The following ANO6 variants were observed in gnomAD, a reference collection of about 807,000 sequenced individuals.
ANO6 encodes anoctamin 6, also known as anoctamin-6.
ANO6 carries 106 observed loss-of-function variants against 117.5 expected under a neutral mutation model. The observed-to-expected ratio is 0.90, with a 90% confidence interval of 0.77 to 1.06. The LOEUF is 1.06. Among genes scored for constraint, ANO6 ranks in the 50% least tolerant of loss-of-function variants. The pLI is 0.00. For synonymous variants in ANO6, 367 were observed against 385.1 expected, an observed-to-expected ratio of 0.95 and a Z score of 0.55; for missense variants, 955 against 1,121.1, an observed-to-expected ratio of 0.85 and a Z score of 2.12.
chr12:45,407,304 GCC>G (rs1269486576), intron 15 of ANO6, among the ~76,000 whole-genome samples: 1 of 152,134 alleles, frequency 6.6e-6, no homozygotes, highest in Non-Finnish European at 1.5e-5. Flanking sequence ...GTGATTTAGA[GCC>G]CAGACAGAAA....
chr12:45,403,637 A>T, intron 15 of ANO6, 101 bp downstream of exon 15: 1 of 939,560 alleles, frequency 1.1e-6, no homozygotes, highest in Non-Finnish European at 1.7e-6. Flanking sequence ...ACATAGCTGC[A>T]TGTCCACCTC....
chr12:45,436,958 C>T (rs1444267715), downstream of ANO6, among the ~76,000 whole-genome samples: 2 of 152,086 alleles, frequency 1.3e-5, no homozygotes, highest in Non-Finnish European at 2.9e-5. Context: ...AAGAGTGAAA[C>T]TCTGTCCAAA....
At chr12:45,333,910 G>A (rs956574516) in intron 3 of ANO6, among the ~76,000 whole-genome samples, 1 of 151,936 alleles carries the variant, frequency 6.6e-6, no homozygotes, top group African/African-American at 2.4e-5. Context: ...ATTTCCTAAA[G>A]CAACCCCAAG....
intron 1 of ANO6, among the ~76,000 whole-genome samples, chr12:45,235,062 T>G (rs1947626026): frequency 1.3e-5 from 2 of 152,218 alleles, no homozygotes; most frequent in Non-Finnish European, 2.9e-5. Flanking sequence ...CTCAGAAACA[T>G]GCCTAGGACC....
At chr12:45,369,527 ATTCTAT>A (rs1231864681) in intron 9 of ANO6, among the ~76,000 whole-genome samples, 1 of 152,102 alleles carries the variant, frequency 6.6e-6, no homozygotes, top group Non-Finnish European at 1.5e-5. Context: ...TGAATCTTTA[ATTCTAT>A]TCTAGTTTCC....
intron 1 of ANO6, among the ~76,000 whole-genome samples, chr12:45,280,415 C>T (rs1938687343): frequency 6.6e-6 from 1 of 152,178 alleles, no homozygotes; most frequent in South Asian, 2.1e-4. Flanking sequence ...CAGTGCTTCA[C>T]AAATTGCCAT....
downstream of ANO6, among the ~76,000 whole-genome samples, chr12:45,434,327 G>C (rs550073579): frequency 6.6e-6 from 1 of 152,352 alleles, no homozygotes; most frequent in South Asian, 2.1e-4. Context: ...AGAGGAAGCT[G>C]CAGGTAAGAG....
At chr12:45,297,968 GTTC>G (rs1431705742) in intron 1 of ANO6, among the ~76,000 whole-genome samples, 1 of 152,080 alleles carries the variant, frequency 6.6e-6, no homozygotes, top group African/African-American at 2.4e-5. Context: ...ACCTTGTCTG[GTTC>G]TTCTTGGCTT....
At position 45,348,302 on chromosome 12, in the gene ANO6, C is replaced by T. The variant is rs1592997216; in HGVS notation, c.620C>T (p.Thr207Ile). The T allele has an allele frequency of 6.2e-7, 1 of 1,614,042 alleles. No individual in the cohort carries two copies. Among genetic ancestry groups the T allele is most frequent in the African/African-American group, 1.3e-5 (1 of 75,032 alleles). ...VDRDAFFNPA[T>I]RSRIVYFILS... ...AGAGATGCTTTCTTCAATCCAGCCA[C>T]CAGAAGCCGCATTGTAAGTCTAAAC... The change falls in exon 5 of 20, where the codon ACC (threonine) becomes ATC (isoleucine). Residue 207 changes from threonine (T) to isoleucine (I), a missense_variant. Transcript: ENST00000320560.
At chr12:45,267,527 C>T (rs543559102) in intron 1 of ANO6, among the ~76,000 whole-genome samples, 7 of 152,142 alleles carry the variant, frequency 4.6e-5, no homozygotes, top group African/African-American at 1.2e-4. Context: ...TGGTGGCTCA[C>T]GCCTATAATC....
In ANO6 at chr12:45,409,428, A is replaced by G. The variant is rs1257963010; in HGVS notation, c.1952A>G (p.Gln651Arg). 6.2e-7 allele frequency: 1 copy of G among 1,614,054 alleles called. No homozygotes were observed. The highest frequency in any genetic ancestry group is 2.2e-5 in the East Asian group (1 of 44,866). ...GAAAAGATAACCCCACGATGGGAACAGGACTACCATCTGCAGCCTATGGGC... is the reference window on the plus strand; with the variant it reads ...GAAAAGATAACCCCACGATGGGAACGGGACTACCATCTGCAGCCTATGGGC... ...GSEKITPRWE[Q>R]DYHLQPMGKL... is the part of the protein sequence containing the mutation. Residue 651 changes from glutamine (Q) to arginine (R), a missense_variant, in exon 16 of 20, where the codon CAG (glutamine) becomes CGG (arginine). Physicochemically the swap from Gln to Arg is conservative, Grantham distance 43 (BLOSUM62 1). Coordinates refer to ENST00000320560, the MANE Select transcript of ANO6 (RefSeq NM_001025356.3).
intron 9 of ANO6, among the ~76,000 whole-genome samples, chr12:45,375,442 T>A (rs950488696): frequency 1.3e-5 from 2 of 152,170 alleles, no homozygotes; most frequent in African/African-American, 4.8e-5. Flanking sequence ...TCACATTACC[T>A]GACTTCAAAC....
At chr12:45,296,514 GTTTTTTTCT>G (rs1274056309) in intron 1 of ANO6, among the ~76,000 whole-genome samples, 3 of 151,644 alleles carry the variant, frequency 2.0e-5, no homozygotes, top group Non-Finnish European at 4.4e-5. Flanking sequence ...TCACTACATT[GTTTTTTTCT>G]TTTTTTTCTT....
chr12:45,321,092 C>G (rs949429167), intron 2 of ANO6, among the ~76,000 whole-genome samples: 3 of 152,036 alleles, frequency 2.0e-5, no homozygotes, highest in Admixed American at 2.0e-4. Context: ...TCTGGAAAGA[C>G]AGCTGGATTC....
chr12:45,400,233 CAG>C (rs1330922359), intron 12 of ANO6, among the ~76,000 whole-genome samples: 1 of 152,134 alleles, frequency 6.6e-6, no homozygotes. Flanking sequence ...CTAAGGTGAA[CAG>C]AGAGCACTTA....
At position 45,399,485 on chromosome 12, in the gene ANO6, C is replaced by T. The variant is rs545199321; in HGVS notation, c.1387-2310C>T. 3.1e-4 allele frequency among the ~76,000 whole-genome samples: 47 copies of T among 152,198 alleles called. No homozygotes were observed. In the South Asian group the frequency reaches 7.0e-3, roughly 23 times the overall value. ...CTGGGATTACAGGCGTGAGCCACCGCGCCTGGCCGAGGTCTTTTTTTTAAT... is the reference window on the plus strand; with the variant it reads ...CTGGGATTACAGGCGTGAGCCACCGTGCCTGGCCGAGGTCTTTTTTTTAAT... On this transcript the variant is annotated intron_variant, in intron 12 of 19. Transcript: ENST00000320560.
At chr12:45,433,459 C>A (rs1943671485), downstream of ANO6, among the ~76,000 whole-genome samples, 1 of 152,100 alleles carries the variant, frequency 6.6e-6, no homozygotes, top group Non-Finnish European at 1.5e-5. Context: ...TGGGGTTGGT[C>A]AGGAGGGAGG....
intron 19 of ANO6, among the ~76,000 whole-genome samples, chr12:45,438,707 G>T (rs1943736241): frequency 6.6e-6 from 1 of 152,024 alleles, no homozygotes; most frequent in Non-Finnish European, 1.5e-5. Flanking sequence ...TGGTCCCAAG[G>T]ATATCAAATA....
intron 15 of ANO6, among the ~76,000 whole-genome samples, chr12:45,408,996 TGTTTTCTC>T (rs1284722779): frequency 6.6e-6 from 1 of 152,190 alleles, no homozygotes; most frequent in Admixed American, 6.5e-5. Context: ...TACTCTACCT[TGTTTTCTC>T]TGTTGATTTT....
Sources: allele counts gnomAD v4.1 joint callset (sites outside exome capture counted in the v4.1 genomes callset), GRCh38; gene constraint gnomAD v4.1.1; transcripts MANE v1.5; gene names NCBI Gene and HGNC (gene_info 2026-07-23, HGNC 2026-07-21).